Variants in FOXP4 observed in about 807,000 individuals in gnomAD.
The protein encoded by FOXP4 is forkhead box protein P4.
In FOXP4, 25 loss-of-function variants were observed where a neutral mutation model predicts 82.6. The observed-to-expected ratio is 0.30, with a 90% confidence interval of 0.22 to 0.42. The LOEUF is 0.42. FOXP4 is among the 10% of genes least tolerant of loss of function. FOXP4 has a pLI of 1.00. For synonymous variants in FOXP4, 415 were observed against 388.2 expected (o/e 1.07, Z -0.81); for missense variants, 785 against 900.9 (o/e 0.87, Z 1.65).
chr6:41,577,274 T>C (rs1765540299), intron 2 of FOXP4, among the ~76,000 whole-genome samples: 1 of 152,096 alleles, frequency 6.6e-6, no homozygotes, highest in African/African-American at 2.4e-5. Flanking sequence ...TTAATCTAAT[T>C]CCTCCAGCAG....
chr6:41,559,889 A>G (rs1289159012), intron 1 of FOXP4, among the ~76,000 whole-genome samples: 3 of 152,176 alleles, frequency 2.0e-5, no homozygotes, highest in Admixed American at 6.5e-5. Flanking sequence ...GTTGGGGCCC[A>G]GTAATCTGTG....
intron 2 of FOXP4, among the ~76,000 whole-genome samples, chr6:41,569,902 C>G (rs547839374): frequency 2.0e-5 from 3 of 151,974 alleles, no homozygotes; most frequent in Admixed American, 2.0e-4. Context: ...TACCTCACCC[C>G]CCCTTCAAAG....
chr6:41,552,143 G>C (rs1764033922), intron 1 of FOXP4, among the ~76,000 whole-genome samples: 1 of 152,172 alleles, frequency 6.6e-6, no homozygotes. Flanking sequence ...TCCATTCCCG[G>C]CTGGCTTTAC....
chr6:41,587,262 C>A, intron 6 of FOXP4, 37 bp from the exon 7 acceptor site: 2 of 1,608,922 alleles, frequency 1.2e-6, no homozygotes, highest in South Asian at 1.1e-5. Context: ...GCCGAGTGTT[C>A]GTGGGGCCCT....
intron 4 of FOXP4, 104 bp from the exon 5 acceptor site, chr6:41,585,327 T>C (rs1766044263): frequency 8.4e-6 from 10 of 1,185,446 alleles, no homozygotes; most frequent in Admixed American, 2.5e-5. Flanking sequence ...GACCATGTTT[T>C]AGGGAAACTC....
At chr6:41,575,227 C>G (rs761186581) in intron 2 of FOXP4, among the ~76,000 whole-genome samples, 1 of 152,184 alleles carries the variant, frequency 6.6e-6, no homozygotes, top group Non-Finnish European at 1.5e-5. Flanking sequence ...CTTGGCTTCC[C>G]AAAGTGCTAG....
chr6:41,566,016 C>G, intron 2 of FOXP4, 52 bp downstream of exon 2: 1 of 1,536,836 alleles, frequency 6.5e-7, no homozygotes, highest in South Asian at 1.2e-5. Flanking sequence ...GGGCACTAGG[C>G]TGCATTCCAC....
At chr6:41,569,743 G>A (rs554291653) in intron 2 of FOXP4, among the ~76,000 whole-genome samples, 6 of 152,298 alleles carry the variant, frequency 3.9e-5, no homozygotes, top group African/African-American at 1.2e-4. Context: ...GGTTGCGGGG[G>A]TGACAGGTCA....
intron 2 of FOXP4, chr6:41,570,420 G>C: frequency 2.1e-6 from 1 of 471,026 alleles, no homozygotes; most frequent in African/African-American, 2.0e-5. Context: ...GTGGGAGGTG[G>C]GAGGAGCTGG....
chr6:41,557,953 C>T (rs1314099179), intron 1 of FOXP4, among the ~76,000 whole-genome samples: 2 of 152,128 alleles, frequency 1.3e-5, no homozygotes, highest in East Asian at 1.9e-4. Flanking sequence ...TGTCTTTGCC[C>T]TGCCACTTGT....
chr6:41,572,416 T>C (rs2127363752), intron 2 of FOXP4, among the ~76,000 whole-genome samples: 1 of 152,310 alleles, frequency 6.6e-6, no homozygotes, highest in East Asian at 1.9e-4. Context: ...CCGTTAAAGA[T>C]GCTGAGTCCC....
intron 5 of FOXP4, 45 bp from the exon 6 acceptor site, chr6:41,586,964 G>T: frequency 6.5e-7 from 1 of 1,535,822 alleles, no homozygotes. Flanking sequence ...CATGCCTGAA[G>T]CTGATGGCAC....
At chr6:41,584,563 G>A (rs1468423239) in intron 3 of FOXP4, among the ~76,000 whole-genome samples, 1 of 152,200 alleles carries the variant, frequency 6.6e-6, no homozygotes, top group African/African-American at 2.4e-5. Context: ...TACTATCACT[G>A]TTTTCGTTTT....
intron 12 of FOXP4, among the ~76,000 whole-genome samples, chr6:41,590,559 T>G (rs1581781150): frequency 6.6e-6 from 1 of 151,990 alleles, no homozygotes; most frequent in African/African-American, 2.4e-5. Context: ...TCTCTGGGGG[T>G]GCACACACTG....
chr6:41,571,120 T>C (rs927306528), intron 2 of FOXP4, among the ~76,000 whole-genome samples: 10 of 152,042 alleles, frequency 6.6e-5, no homozygotes, highest in Non-Finnish European at 8.8e-5. Flanking sequence ...AGGAAAGTGA[T>C]CACGGGAACT....
At chr6:41,586,791 C>T (rs1403683393) in intron 5 of FOXP4, among the ~76,000 whole-genome samples, 8 of 152,018 alleles carry the variant, frequency 5.3e-5, no homozygotes, top group African/African-American at 7.2e-5. Context: ...TGTGTTTGCG[C>T]GCGTGCGTGC....
chr6:41,588,472 G>A (rs147083413), intron 8 of FOXP4, among the ~76,000 whole-genome samples, 172 bp from the exon 9 acceptor site: 38 of 152,364 alleles, frequency 2.5e-4, no homozygotes, highest in African/African-American at 8.7e-4. Context: ...GGAGGCTGAC[G>A]AGAAGGGAGA....
chr6:41,558,057 G>A lies in FOXP4; in HGVS notation c.-16-7688G>A, dbSNP rs1764374103. On this transcript the variant is annotated intron_variant, in intron 1 of 16. Transcript: ENST00000307972. This position sits in a 1 kb window ranked among gnomAD's most constrained non-coding sequence, Gnocchi z 4.0. ...CAGCTTCTAGGATGTCACAGTCATT[G>A]AGGGAGACTCCCAGGCCAGGAACTC... 6.6e-6 allele frequency among the ~76,000 whole-genome samples: 1 copy of A among 152,070 alleles called. No homozygotes were observed. Among genetic ancestry groups the A allele is most frequent in the African/African-American group, 2.4e-5 (1 of 41,364 alleles).
In FOXP4 at chr6:41,594,936, G is replaced by A; in HGVS notation, c.1603G>A (p.Val535Met). The A allele has an allele frequency of 1.2e-6, 2 of 1,614,188 alleles. No homozygotes were observed. Among genetic ancestry groups the A allele is most frequent in the East Asian group, 2.2e-5 (1 of 44,882 alleles). Reference sequence around the variant, plus strand: ...CCGCGTGGAGAACGTCAAGGGTGCCGTGTGGACTGTGGACGAGCGGGAGTA... The same window carrying A: ...CCGCGTGGAGAACGTCAAGGGTGCCATGTGGACTGTGGACGAGCGGGAGTA... ...FVRVENVKGA[V>M]WTVDEREYQK... is the part of the protein sequence containing the mutation. The change falls in exon 14 of 17, where the codon GTG (valine) becomes ATG (methionine). Residue 535 changes from valine to methionine, a missense_variant. Val to Met is a conservative substitution (Grantham distance 21). This residue lies in a region of FOXP4 where 31 missense variants were observed against 79.6 expected (regional missense o/e 0.39). Coordinates refer to ENST00000307972, the MANE Select transcript of FOXP4 (RefSeq NM_001012426.2).
Sources: allele counts gnomAD v4.1 joint callset (sites outside exome capture counted in the v4.1 genomes callset), GRCh38; gene constraint gnomAD v4.1.1; regional missense constraint gnomAD v4.1.1; non-coding constraint Gnocchi (gnomAD v3.1); transcripts MANE v1.5; gene names NCBI Gene and HGNC (gene_info 2026-07-23, HGNC 2026-07-21).